MREG: variants seen among roughly 807,000 people sequenced by gnomAD.
MREG encodes dilute suppressor protein homolog.
A neutral mutation model predicts 28.5 loss-of-function variants in MREG; 31 were observed. The ratio of observed to expected loss-of-function variants is 1.09; its 90% CI spans 0.82 to 1.47. The LOEUF (loss-of-function observed/expected upper bound fraction) is 1.47. Among genes scored for constraint, MREG ranks in the 40% most tolerant of loss-of-function variants. The pLI is 0.00. For synonymous variants in MREG, 106 were observed against 95.2 expected (o/e 1.11, Z -0.66); for missense variants, 256 against 257.4 (o/e 0.99, Z 0.04).
chr2:215,979,417 C>T (rs1019039150), intron 2 of MREG, among the ~76,000 whole-genome samples: 3 of 150,022 alleles, frequency 2.0e-5, no homozygotes, highest in South Asian at 2.1e-4. Context: ...GAGCCGAGAT[C>T]GCGCCACTGC....
intron 2 of MREG, among the ~76,000 whole-genome samples, chr2:215,980,839 A>AGAGAGGAGGG (rs1693406629): frequency 8.2e-6 from 1 of 122,060 alleles, no homozygotes; most frequent in African/African-American, 3.4e-5. Flanking sequence ...GAAGAGAAGC[A>AGAGAGGAGGG]GAGAGGAGGG....
In MREG at chr2:215,994,112, T is replaced by C. The variant is rs564458152; in HGVS notation, c.255+2194A>G. Among the ~76,000 whole-genome samples the C allele has an allele frequency of 3.5e-4, 53 of 152,092 alleles. 1 individual carries two copies. The highest frequency in any genetic ancestry group is 1.3e-3 in the African/African-American group (52 of 41,352). ...ATTCTACTATAAAGGCACATGCACATGTATGTTTATCGCAACACTGTTCAC... is the reference window on the plus strand; with the variant it reads ...ATTCTACTATAAAGGCACATGCACACGTATGTTTATCGCAACACTGTTCAC... On this transcript the variant is annotated intron_variant, in intron 2 of 4. Coordinates refer to ENST00000263268, the MANE Select transcript of MREG (RefSeq NM_018000.3).
At chr2:216,012,888 A>G (rs78634697) in intron 1 of MREG, among the ~76,000 whole-genome samples, 4,099 of 152,266 alleles carry the variant, frequency 0.027, 83 homozygotes, top group Middle Eastern at 0.082. Flanking sequence ...TATACCGATC[A>G]AATACCCAGT....
intron 2 of MREG, 37 bp downstream of exon 2, chr2:215,996,269 A>G (rs753189449): frequency 6.5e-5 from 103 of 1,592,224 alleles, no homozygotes; most frequent in Non-Finnish European, 8.3e-5. Flanking sequence ...ACTATATAGC[A>G]TCATCCGCGC....
chr2:216,013,928 A>T (rs1006901815), upstream of MREG, among the ~76,000 whole-genome samples: 11 of 151,882 alleles, frequency 7.2e-5, no homozygotes, highest in African/African-American at 2.4e-4. Context: ...GTTTTTTTTT[A>T]AATAATATAT....
intron 2 of MREG, among the ~76,000 whole-genome samples, chr2:215,963,586 T>G (rs1692859597): frequency 6.6e-6 from 1 of 152,244 alleles, no homozygotes; most frequent in African/African-American, 2.4e-5. Context: ...CTAGAAAATT[T>G]AAAATGACTT....
intron 1 of MREG, among the ~76,000 whole-genome samples, chr2:216,031,050 A>G (rs372086858): frequency 1.9e-4 from 28 of 149,954 alleles, no homozygotes; most frequent in African/African-American, 6.2e-4. Flanking sequence ...TCTGCTCTGT[A>G]TCTCACTGAA....
Position 215,944,955 on chromosome 2 carries a change from GCTTAAAGAACT to G in MREG, c.542_552del (p.Glu181AlafsTer44). ...TTCTTGGGGTAAGTTCGACGAGCAA[GCTTAAAGAACT>G]CTTCTGCAGCATCAAGTGCAATGAG... is the stretch of plus-strand genomic sequence containing the variant. On this transcript the variant is annotated frameshift_variant, in exon 5 of 5. Transcript: ENST00000263268. LOFTEE classifies it high-confidence loss of function. 6.2e-7 allele frequency: 1 copy of G among 1,606,974 alleles called. No individual in the cohort carries two copies. The highest frequency in any genetic ancestry group is 8.5e-7 in the Non-Finnish European group (1 of 1,174,364).
At chr2:216,025,356 G>A (rs1694580079) in intron 1 of MREG, among the ~76,000 whole-genome samples, 1 of 152,194 alleles carries the variant, frequency 6.6e-6, no homozygotes, top group African/African-American at 2.4e-5. Context: ...CTTAGAGGAG[G>A]TGCAGACCTT....
intron 2 of MREG, among the ~76,000 whole-genome samples, chr2:215,962,252 G>A (rs895037706): frequency 4.6e-5 from 7 of 152,180 alleles, no homozygotes; most frequent in Non-Finnish European, 1.0e-4. Flanking sequence ...AGCTCCTGCT[G>A]CCCAAGTAAG....
chr2:215,995,883 GAA>G (rs3836040), intron 2 of MREG, among the ~76,000 whole-genome samples: 1 of 148,556 alleles, frequency 6.7e-6, no homozygotes, highest in African/African-American at 2.5e-5. Context: ...CTTTAAACAG[GAA>G]AAAAAAAAAC....
At chr2:215,984,518 CAA>C (rs375220091) in intron 2 of MREG, among the ~76,000 whole-genome samples, 23,644 of 66,730 alleles carry the variant, frequency 0.35, 2,355 homozygotes, top group Non-Finnish European at 0.41. Context: ...ACCTTGTCAC[CAA>C]AAAAAAAAAA....
intron 2 of MREG, among the ~76,000 whole-genome samples, chr2:215,965,345 C>T (rs1692911051): frequency 6.6e-6 from 1 of 152,088 alleles, no homozygotes; most frequent in Admixed American, 6.6e-5. Flanking sequence ...ATCTCGCCAG[C>T]CTCAAAGGGG....
chr2:215,950,372 T>C (rs1040832382), intron 2 of MREG, among the ~76,000 whole-genome samples: 2 of 152,236 alleles, frequency 1.3e-5, no homozygotes, highest in Non-Finnish European at 2.9e-5. Context: ...CAATGAATGT[T>C]ATACGAATTC....
intron 1 of MREG, among the ~76,000 whole-genome samples, chr2:216,031,673 A>AAGAG (rs72139324): frequency 8.2e-6 from 1 of 121,274 alleles, no homozygotes; most frequent in Non-Finnish European, 1.7e-5. Context: ...GAAAGAAAGA[A>AAGAG]AGAAAGAAAG....
At chr2:215,962,771 A>C (rs1692825156) in intron 2 of MREG, among the ~76,000 whole-genome samples, 2 of 150,620 alleles carry the variant, frequency 1.3e-5, no homozygotes, top group Non-Finnish European at 2.9e-5. Context: ...GTGGCTACTG[A>C]GCACCTCAAC....
At chr2:215,969,692 T>C (rs1331410795) in intron 2 of MREG, among the ~76,000 whole-genome samples, 1 of 152,120 alleles carries the variant, frequency 6.6e-6, no homozygotes, top group Admixed American at 6.6e-5. Context: ...CCACGCATTA[T>C]ATAAGCATCC....
At chr2:216,018,557 G>A (rs188766072) in intron 1 of MREG, among the ~76,000 whole-genome samples, 11 of 152,288 alleles carry the variant, frequency 7.2e-5, no homozygotes, top group Admixed American at 2.0e-4. Flanking sequence ...AGAGAAAAAC[G>A]AACAAGTAGC....
At chr2:215,989,258 T>C (rs967270147) in intron 2 of MREG, among the ~76,000 whole-genome samples, 1 of 152,316 alleles carries the variant, frequency 6.6e-6, no homozygotes, top group South Asian at 2.1e-4. Flanking sequence ...AAACAGGGTC[T>C]GGAGTGTACC....
Sources: allele counts gnomAD v4.1 joint callset (sites outside exome capture counted in the v4.1 genomes callset), GRCh38; gene constraint gnomAD v4.1.1; transcripts MANE v1.5; gene names NCBI Gene and HGNC (gene_info 2026-07-23, HGNC 2026-07-21).